The following RBM19 variants were observed in gnomAD, a reference collection of about 807,000 sequenced individuals.
RBM19 encodes the protein RNA binding motif protein 19, also known as probable RNA-binding protein 19.
RBM19 carries 94 observed loss-of-function variants against 116.8 expected under a neutral mutation model. That is an observed-to-expected ratio of 0.80 (90% CI 0.68 to 0.95). The LOEUF is 0.95. Among genes scored for constraint, RBM19 ranks in the 40% least tolerant of loss-of-function variants. The pLI is 0.00. For synonymous variants in RBM19, 475 were observed against 494.1 expected, an observed-to-expected ratio of 0.96 and a Z score of 0.51; for missense variants, 1,161 against 1,220.7, an observed-to-expected ratio of 0.95 and a Z score of 0.73.
chr12:113,831,048 C>T (rs576087203), intron 23 of RBM19, among the ~76,000 whole-genome samples: 10 of 152,304 alleles, frequency 6.6e-5, no homozygotes, highest in Admixed American at 2.6e-4. Context: ...TTCGTATAAA[C>T]GTGCAGCCAT....
At chr12:113,925,931 G>A (rs948079182) in intron 17 of RBM19, among the ~76,000 whole-genome samples, 7 of 152,168 alleles carry the variant, frequency 4.6e-5, no homozygotes, top group African/African-American at 9.7e-5. Context: ...AGTACATGCC[G>A]CCATTTAAAA....
intron 21 of RBM19, among the ~76,000 whole-genome samples, chr12:113,881,091 G>C (rs535108636): frequency 6.6e-6 from 1 of 152,278 alleles, no homozygotes; most frequent in South Asian, 2.1e-4. Context: ...CCTGAACTGG[G>C]GCGCTGCTCT....
chr12:113,885,909 C>T (rs1207768340), intron 21 of RBM19, among the ~76,000 whole-genome samples: 17 of 147,974 alleles, frequency 1.1e-4, no homozygotes, highest in African/African-American at 4.0e-4. Context: ...CTCTCTGTCG[C>T]CCAGGCTGGA....
intron 20 of RBM19, among the ~76,000 whole-genome samples, chr12:113,916,150 C>T (rs865846408): frequency 6.6e-6 from 1 of 152,192 alleles, no homozygotes; most frequent in Admixed American, 6.5e-5. Context: ...GTGGCTCACA[C>T]CTGTAATCCC....
At chr12:113,901,009 A>G (rs923801279) in intron 21 of RBM19, among the ~76,000 whole-genome samples, 3 of 152,226 alleles carry the variant, frequency 2.0e-5, no homozygotes, top group African/African-American at 7.2e-5. Flanking sequence ...ACAGATAGAC[A>G]GAAGCCTAAG....
intron 23 of RBM19, among the ~76,000 whole-genome samples, chr12:113,827,535 C>T (rs528984656): frequency 8.6e-5 from 13 of 151,240 alleles, no homozygotes; most frequent in East Asian, 3.9e-4. Flanking sequence ...CGGGGGGGTG[C>T]GTCGGGAGGA....
At chr12:113,945,299 G>T (rs1870918633) in intron 13 of RBM19, among the ~76,000 whole-genome samples, 1 of 152,196 alleles carries the variant, frequency 6.6e-6, no homozygotes, top group South Asian at 2.1e-4. Context: ...GGGAGAGAAG[G>T]AGGAACGGAA....
intron 18 of RBM19, among the ~76,000 whole-genome samples, chr12:113,924,241 T>A (rs1868855911): frequency 6.6e-6 from 1 of 152,182 alleles, no homozygotes; most frequent in South Asian, 2.1e-4. Context: ...GGTTAATGAC[T>A]CGGTAGAACG....
At chr12:113,918,474 C>T in intron 19 of RBM19, 27 bp from the exon 20 acceptor site, 11 of 1,612,662 alleles carry the variant, frequency 6.8e-6, no homozygotes, top group Non-Finnish European at 9.3e-6. Context: ...CATGGCTCAT[C>T]TCTCTGTCCC....
intron 21 of RBM19, among the ~76,000 whole-genome samples, chr12:113,872,367 G>C (rs1222254023): frequency 6.7e-6 from 1 of 150,112 alleles, no homozygotes; most frequent in East Asian, 2.1e-4. Flanking sequence ...CTCTCTGCCC[G>C]GCAGCCACCC....
At chr12:113,877,308 C>T (rs1171499842) in intron 21 of RBM19, among the ~76,000 whole-genome samples, 1 of 152,180 alleles carries the variant, frequency 6.6e-6, no homozygotes, top group Non-Finnish European at 1.5e-5. Context: ...GGGGGGGTCC[C>T]GTTACCACAG....
At chr12:113,946,954 GAA>G in intron 11 of RBM19, among the ~76,000 whole-genome samples, 1 of 152,366 alleles carries the variant, frequency 6.6e-6, no homozygotes, top group Admixed American at 6.5e-5. Flanking sequence ...TGGGAAAAGA[GAA>G]GTTTCTTTTA....
intron 2 of RBM19, among the ~76,000 whole-genome samples, chr12:113,961,059 G>A (rs951351302): frequency 5.9e-5 from 9 of 152,222 alleles, no homozygotes; most frequent in South Asian, 2.1e-4. Context: ...GTCTCACTCC[G>A]TTGCCCAGGC....
chr12:113,927,974 AG>A (rs1310256306), intron 16 of RBM19, among the ~76,000 whole-genome samples: 10 of 152,266 alleles, frequency 6.6e-5, no homozygotes, highest in Non-Finnish European at 7.3e-5. Context: ...ATCATATAAA[AG>A]TTAGAGAAAA....
At chr12:113,835,668 G>A (rs1004262568) in intron 23 of RBM19, among the ~76,000 whole-genome samples, 1 of 152,222 alleles carries the variant, frequency 6.6e-6, no homozygotes. Context: ...GTCTGTGCCG[G>A]AAGAGCACTT....
chr12:113,956,872 C>T (rs1871991311), intron 6 of RBM19, among the ~76,000 whole-genome samples: 2 of 152,196 alleles, frequency 1.3e-5, no homozygotes, highest in Non-Finnish European at 2.9e-5. Context: ...TAAAATGGAA[C>T]AAGACCAATA....
intron 21 of RBM19, among the ~76,000 whole-genome samples, chr12:113,862,787 A>C (rs2135748956): frequency 6.6e-6 from 1 of 152,298 alleles, no homozygotes; most frequent in African/African-American, 2.4e-5. Context: ...GAAACCACAA[A>C]GTAGCAATTA....
intron 21 of RBM19, among the ~76,000 whole-genome samples, chr12:113,890,346 C>G (rs1483624067): frequency 6.6e-6 from 1 of 152,150 alleles, no homozygotes; most frequent in Non-Finnish European, 1.5e-5. Context: ...TTCCTCCCTG[C>G]CTTGCTCTCT....
At chr12:113,861,474 C>CTGTGTGTGTG (rs57704604) in intron 21 of RBM19, among the ~76,000 whole-genome samples, 13,737 of 126,086 alleles carry the variant, frequency 0.11, 904 homozygotes, top group East Asian at 0.17. Flanking sequence ...AAGCCAGACT[C>CTGTGTGTGTG]TGTGTGTGTG....
Sources: allele counts gnomAD v4.1 joint callset (sites outside exome capture counted in the v4.1 genomes callset), GRCh38; gene constraint gnomAD v4.1.1; transcripts MANE v1.5; gene names NCBI Gene and HGNC (gene_info 2026-07-23, HGNC 2026-07-21).